TBC1D5: variants seen among roughly 807,000 people sequenced by gnomAD.
TBC1D5 encodes the protein TBC1 domain family member 5.
Under a neutral mutation model 100.3 loss-of-function variants are expected in TBC1D5, and 75 were observed. The ratio of observed to expected loss-of-function variants is 0.75; its 90% CI spans 0.62 to 0.91. TBC1D5 has a LOEUF of 0.91. TBC1D5 is among the 40% of genes least tolerant of loss of function. The pLI is 0.00. For missense variants in TBC1D5, 910 were observed against 942.4 expected (o/e 0.97, Z 0.45); for synonymous variants, 323 against 325.6 (o/e 0.99, Z 0.09).
At chr3:17,590,837 T>C (rs1397911391) in intron 2 of TBC1D5, among the ~76,000 whole-genome samples, 3 of 152,090 alleles carry the variant, frequency 2.0e-5, no homozygotes, top group Non-Finnish European at 4.4e-5. Context: ...TAATTAATCA[T>C]GGTGTTCCTA....
chr3:17,242,988 A>G (rs1435506520), intron 16 of TBC1D5, among the ~76,000 whole-genome samples: 1 of 152,168 alleles, frequency 6.6e-6, no homozygotes, highest in Admixed American at 6.5e-5. Context: ...TACCTGTGGA[A>G]ATAATAATGG....
At chr3:17,349,542 C>T (rs188496569) in intron 13 of TBC1D5, among the ~76,000 whole-genome samples, 13 of 152,168 alleles carry the variant, frequency 8.5e-5, no homozygotes, top group Admixed American at 2.0e-4. Flanking sequence ...CTACCTAGTA[C>T]GAAATACAAG....
At chr3:17,448,137 C>T (rs1337954754) in intron 3 of TBC1D5, among the ~76,000 whole-genome samples, 2 of 152,136 alleles carry the variant, frequency 1.3e-5, no homozygotes, top group Non-Finnish European at 2.9e-5. Flanking sequence ...CTCTGCTTAT[C>T]CAAAAGAAGC....
At chr3:17,258,697 T>C in intron 15 of TBC1D5, 106 bp from the exon 16 acceptor site, 2 of 768,340 alleles carry the variant, frequency 2.6e-6, no homozygotes, top group Non-Finnish European at 2.0e-6. Flanking sequence ...AGAATATGTA[T>C]AATATAAAGT....
At chr3:17,396,967 G>C (rs903728222) in intron 8 of TBC1D5, among the ~76,000 whole-genome samples, 1 of 152,086 alleles carries the variant, frequency 6.6e-6, no homozygotes, top group East Asian at 1.9e-4. Context: ...CTTTCTGTAA[G>C]AATGGAAGTA....
chr3:17,176,652 G>T (rs1202556634), intron 19 of TBC1D5, among the ~76,000 whole-genome samples: 1 of 152,036 alleles, frequency 6.6e-6, no homozygotes, highest in Non-Finnish European at 1.5e-5. Context: ...GCCTGTTGGA[G>T]GGTGAGGGGC....
intron 3 of TBC1D5, among the ~76,000 whole-genome samples, chr3:17,460,046 T>C (rs143370249): frequency 5.0e-4 from 76 of 152,372 alleles, no homozygotes; most frequent in African/African-American, 1.4e-3. Flanking sequence ...TTAGTCTTTG[T>C]ATTCTAAAAG....
At chr3:17,209,930 T>C (rs937397805) in intron 18 of TBC1D5, among the ~76,000 whole-genome samples, 5 of 152,196 alleles carry the variant, frequency 3.3e-5, no homozygotes, top group East Asian at 1.9e-4. Context: ...AGCAGTGCTA[T>C]AGTCTTCGGA....
intron 2 of TBC1D5, among the ~76,000 whole-genome samples, chr3:17,562,923 T>C (rs1185000368): frequency 2.0e-5 from 3 of 152,216 alleles, no homozygotes; most frequent in Admixed American, 6.5e-5. Flanking sequence ...AGAATAATGA[T>C]ATAAAGGGAA....
intron 2 of TBC1D5, among the ~76,000 whole-genome samples, chr3:17,616,195 G>A (rs908410122): frequency 6.6e-6 from 1 of 152,216 alleles, no homozygotes; most frequent in African/African-American, 2.4e-5. Context: ...TAGTTGTGCG[G>A]TTTTGAGTGA....
chr3:17,627,015 A>C (rs534032975), intron 1 of TBC1D5, among the ~76,000 whole-genome samples: 1 of 152,340 alleles, frequency 6.6e-6, no homozygotes, highest in Non-Finnish European at 1.5e-5. Flanking sequence ...AATGCATAGG[A>C]CAGATTTGAG....
intron 8 of TBC1D5, among the ~76,000 whole-genome samples, chr3:17,397,768 A>G (rs774776596): frequency 1.1e-4 from 16 of 152,210 alleles, no homozygotes; most frequent in Non-Finnish European, 2.2e-4. Flanking sequence ...AATGTTAACT[A>G]CAATAACTAG....
intron 13 of TBC1D5, among the ~76,000 whole-genome samples, chr3:17,311,471 T>C (rs1387132196): frequency 1.3e-5 from 2 of 152,072 alleles, no homozygotes; most frequent in Non-Finnish European, 2.9e-5. Flanking sequence ...TATTCTCGAT[T>C]TTAAATTTCT....
chr3:17,278,030 C>T (rs2080203089), intron 15 of TBC1D5, among the ~76,000 whole-genome samples: 1 of 152,094 alleles, frequency 6.6e-6, no homozygotes, highest in Admixed American at 6.5e-5. Context: ...GTACAATGAG[C>T]CCATGTTACC....
At chr3:17,662,686 G>A (rs560966131) in intron 1 of TBC1D5, among the ~76,000 whole-genome samples, 2 of 152,278 alleles carry the variant, frequency 1.3e-5, no homozygotes, top group East Asian at 1.9e-4. Flanking sequence ...ATTTGCAACT[G>A]TTATCTGGTC....
intron 8 of TBC1D5, among the ~76,000 whole-genome samples, chr3:17,398,828 G>A (rs993726143): frequency 2.0e-5 from 3 of 151,968 alleles, no homozygotes; most frequent in African/African-American, 7.3e-5. Context: ...GTACACTAAG[G>A]AGATCAATAT....
chr3:17,255,238 T>C (rs1234068972), intron 16 of TBC1D5, among the ~76,000 whole-genome samples: 1 of 152,172 alleles, frequency 6.6e-6, no homozygotes, highest in East Asian at 1.9e-4. Context: ...TCTCTCTCTG[T>C]CGCCCAGGCT....
intron 4 of TBC1D5, among the ~76,000 whole-genome samples, chr3:17,412,599 T>G (rs749879809): frequency 1.2e-4 from 19 of 152,180 alleles, no homozygotes; most frequent in Non-Finnish European, 1.8e-4. Flanking sequence ...GCTAAACTTA[T>G]TCTTACATAA....
chr3:17,230,107 C>T (rs1183028120), intron 17 of TBC1D5, among the ~76,000 whole-genome samples: 1 of 152,156 alleles, frequency 6.6e-6, no homozygotes, highest in Non-Finnish European at 1.5e-5. Context: ...AGCAGCCAAT[C>T]AATATAGTGC....
Sources: gnomAD v4.1 joint callset for allele counts (sites outside exome capture counted in the v4.1 genomes callset) on GRCh38, gnomAD v4.1.1 for gene constraint, MANE v1.5 for transcripts, NCBI Gene and HGNC (gene_info 2026-07-23, HGNC 2026-07-21) for gene names.